The following SZT2 variants were observed in gnomAD, a reference collection of about 807,000 sequenced individuals.
SZT2 encodes SZT2 subunit of KICSTOR complex.
SZT2 carries 216 observed loss-of-function variants against 404.2 expected under a neutral mutation model. The observed-to-expected ratio is 0.53, with a 90% confidence interval of 0.48 to 0.60. SZT2 has a LOEUF of 0.60. SZT2 is among the 20% of genes least tolerant of loss of function. The pLI, the probability that SZT2 is intolerant of heterozygous loss-of-function variation, is 0.00. For missense variants in SZT2, 3,857 were observed against 4,459.2 expected (o/e 0.86, Z 3.85); for synonymous variants, 1,693 against 1,749.9 (o/e 0.97, Z 0.81).
chr1:43,422,723 C>G, intron 13 of SZT2, 46 bp from the exon 14 acceptor site: 1 of 1,463,870 alleles, frequency 6.8e-7, no homozygotes, highest in Non-Finnish European at 9.1e-7. Context: ...CTCACTGCTA[C>G]TTCCTGCCAA....
At chr1:43,427,014 A>T (rs1653234278) in intron 23 of SZT2, 42 bp from the exon 24 acceptor site, 2 of 1,610,002 alleles carry the variant, frequency 1.2e-6, no homozygotes, top group Admixed American at 1.7e-5. Flanking sequence ...GGGGTTGGAC[A>T]TTCCCTTATA....
At chr1:43,392,079 G>A (rs186043338) in intron 1 of SZT2, among the ~76,000 whole-genome samples, 386 of 2,770 alleles carry the variant, frequency 0.14, 100 homozygotes, top group African/African-American at 0.39. Context: ...GCGAGACTCC[G>A]TCTCAAAAAA....
rs776281764 is a variant in SZT2 at position 43,447,013 on chromosome 1, C to T, written c.9131C>T (p.Ser3044Leu). The T allele has an allele frequency of 5.6e-6, 9 of 1,613,772 alleles. No individual in the cohort carries two copies. Among genetic ancestry groups the T allele is most frequent in the Non-Finnish European group, 7.6e-6 (9 of 1,180,040 alleles). ...GTGCGGGACCTGATGCACGTGCACTCGTTCAGCTATGACTTCCATCTGCGC... is the reference window on the plus strand; with the variant it reads ...GTGCGGGACCTGATGCACGTGCACTTGTTCAGCTATGACTTCCATCTGCGC... ...DKVRDLMHVHSFSYDFHLRLV... is the reference protein window; with the variant it reads ...DKVRDLMHVHLFSYDFHLRLV... Residue 3044 changes from serine (S) to leucine (L), a missense_variant, in exon 66 of 72, where the codon TCG (serine) becomes TTG (leucine). Ser to Leu is a moderately radical substitution (Grantham distance 145). This residue lies in a region of SZT2 where 717 missense variants were observed against 868.2 expected (regional missense o/e 0.83). Coordinates refer to ENST00000634258, the MANE Select transcript of SZT2 (RefSeq NM_001365999.1).
chr1:43,392,977 C>G (rs1368403889), intron 1 of SZT2, among the ~76,000 whole-genome samples: 2 of 152,058 alleles, frequency 1.3e-5, no homozygotes, highest in Non-Finnish European at 2.9e-5. Flanking sequence ...CAGACATGCT[C>G]TCTATCTTTA....
chr1:43,392,614 C>T (rs1648533963), intron 1 of SZT2, among the ~76,000 whole-genome samples: 1 of 152,162 alleles, frequency 6.6e-6, no homozygotes, highest in African/African-American at 2.4e-5. Context: ...CGGGGTTTCA[C>T]CGTGTTAGCC....
At position 43,426,592 on chromosome 1, in the gene SZT2, AC is replaced by A; in HGVS notation, c.3214+57del. 1 of 1,507,976 alleles carries A rather than the reference AC, an allele frequency of 6.6e-7. No homozygotes were observed. The highest frequency in any genetic ancestry group is 8.9e-7 in the Non-Finnish European group (1 of 1,125,136). The allele number at this position is 1,507,976 out of a possible 1,614,324, so 93.4% of individuals were successfully genotyped here. On this transcript the variant is annotated intron_variant, in intron 22 of 71. Transcript: ENST00000634258. This position sits in a 1 kb window ranked among gnomAD's most constrained non-coding sequence, Gnocchi z 4.9. ...GACCCTGGCCCAGCCCTTTTCCCCCACCCTCACAGGGTGATTTCTGTCTTTG... is the reference window on the plus strand; with the variant it reads ...GACCCTGGCCCAGCCCTTTTCCCCCACCTCACAGGGTGATTTCTGTCTTTG...
chr1:43,432,001 G>A (rs768694850), intron 36 of SZT2, 100 bp downstream of exon 36: 186 of 1,403,956 alleles, frequency 1.3e-4, no homozygotes, highest in Non-Finnish European at 1.8e-4. Flanking sequence ...CGAACTCATA[G>A]AGTTATCCCT....
At position 43,439,167 on chromosome 1, in the gene SZT2, C is replaced by T. The variant is rs895407668; in HGVS notation, c.6792+74C>T. 1.1e-5 allele frequency: 18 copies of T among 1,597,156 alleles called. No homozygotes were observed. In the Admixed American group the frequency reaches 2.2e-4, roughly 19 times the overall value. ...TGCCCCACGCACTTACTCTTTCCTA[C>T]CGATACCCCTATATGTACCTTTGCC... On this transcript the variant is annotated intron_variant, in intron 48 of 71. Coordinates refer to ENST00000634258, the MANE Select transcript of SZT2 (RefSeq NM_001365999.1). The surrounding 1 kb of genome is among the most constrained non-coding windows in gnomAD (Gnocchi z 4.2).
At chr1:43,443,499 C>G (rs1365285282) in intron 61 of SZT2, 22 bp downstream of exon 61, 9 of 1,614,020 alleles carry the variant, frequency 5.6e-6, no homozygotes, top group Non-Finnish European at 7.6e-6. Context: ...TCCCAGACTT[C>G]TAGCAGACCT....
intron 62 of SZT2, chr1:43,445,528 G>A (rs1265057351): frequency 3.2e-6 from 1 of 312,862 alleles, no homozygotes; most frequent in Admixed American, 4.1e-5. Context: ...TGCCCTTTCA[G>A]AGGAAGGTAC....
chr1:43,438,619 A>C, intron 46 of SZT2, 80 bp from the exon 47 acceptor site: 2 of 1,340,658 alleles, frequency 1.5e-6, no homozygotes, highest in Non-Finnish European at 2.1e-6. Flanking sequence ...GGATTCTTTG[A>C]GTTTGGCATG....
chr1:43,400,872 C>CA (rs745338229), intron 1 of SZT2, among the ~76,000 whole-genome samples: 144 of 123,270 alleles, frequency 1.2e-3, no homozygotes, highest in East Asian at 4.3e-3. Context: ...AACTCCGTCT[C>CA]AAAAAAAAAA....
In SZT2 at chr1:43,422,768, G is replaced by A. The variant is rs772348527; in HGVS notation, c.1923-1G>A. 3.2e-6 allele frequency: 5 copies of A among 1,578,180 alleles called. No individual in the cohort carries two copies. The highest frequency in any genetic ancestry group is 4.3e-6 in the Non-Finnish European group (5 of 1,170,492). Reference sequence around the variant, plus strand: ...GCTCACTGACTCCCATTTCTCCCCAGTGCCCCAGACCAGCCCCCCAATTCC... The same window carrying A: ...GCTCACTGACTCCCATTTCTCCCCAATGCCCCAGACCAGCCCCCCAATTCC... On this transcript the variant is annotated splice_acceptor_variant, in intron 13 of 71. Coordinates refer to ENST00000634258, the MANE Select transcript of SZT2 (RefSeq NM_001365999.1). LOFTEE classifies it high-confidence loss of function.
intron 1 of SZT2, among the ~76,000 whole-genome samples, chr1:43,401,894 T>C (rs979588092): frequency 6.6e-6 from 1 of 152,200 alleles, no homozygotes; most frequent in African/African-American, 2.4e-5. Context: ...CCAGTACCTC[T>C]TTCTGTATCT....
At chr1:43,390,946 T>C (rs893416179) in intron 1 of SZT2, among the ~76,000 whole-genome samples, 1 of 152,246 alleles carries the variant, frequency 6.6e-6, no homozygotes, top group Non-Finnish European at 1.5e-5. Context: ...CAATATCAGT[T>C]AATCCTCAGC....
In SZT2 at chr1:43,420,171, T is replaced by A. The variant is rs1652175537; in HGVS notation, c.1109T>A (p.Phe370Tyr). 1 of 1,598,320 alleles carries A rather than the reference T, an allele frequency of 6.3e-7. No homozygotes were observed. The highest frequency in any genetic ancestry group is 8.5e-7 in the Non-Finnish European group (1 of 1,179,790). ...CTTCCAGGCTCTCAGCACCGCCTAT[T>A]TAATGAGCACCTGGTCTCTGCAAGC... ...EYYCGSQHRL[F>Y]NEHLVSASSN... The change falls in exon 9 of 72, where the codon TTT becomes TAT. Residue 370 changes from phenylalanine to tyrosine, a missense_variant. Around this residue, in one of 7 missense-constraint regions of SZT2, gnomAD observed 536 missense variants for 637.4 expected, o/e 0.84. Transcript: ENST00000634258. The surrounding 1 kb of genome is among the most constrained non-coding windows in gnomAD (Gnocchi z 5.1).
At position 43,425,662 on chromosome 1, in the gene SZT2, T is replaced by G. The variant is rs765824044; in HGVS notation, c.2814+20T>G. ...CAAGCTGTGAGTGTCCTCAGAACAG[T>G]ACCCGCACCTCTCTCACTGGATTGG... On this transcript the variant is annotated intron_variant, in intron 19 of 71. Transcript: ENST00000634258. This position sits in a 1 kb window ranked among gnomAD's most constrained non-coding sequence, Gnocchi z 4.3. 1.4e-5 allele frequency: 23 copies of G among 1,612,138 alleles called. No individual in the cohort carries two copies. The highest frequency in any genetic ancestry group is 6.7e-5 in the East Asian group (3 of 44,838).
intron 1 of SZT2, among the ~76,000 whole-genome samples, chr1:43,393,695 AAGGG>A (rs1648670376): frequency 6.6e-6 from 1 of 152,232 alleles, no homozygotes; most frequent in South Asian, 2.1e-4. Flanking sequence ...CTTAATCACA[AAGGG>A]ACAGGCACAA....
intron 65 of SZT2, 109 bp downstream of exon 65, chr1:43,446,525 C>T (rs533495475): frequency 7.4e-7 from 1 of 1,352,018 alleles, no homozygotes; most frequent in East Asian, 2.3e-5. Context: ...GCGGGCTGGC[C>T]CAGTGATTGA....
Sources: allele counts gnomAD v4.1 joint callset (sites outside exome capture counted in the v4.1 genomes callset), GRCh38; gene constraint gnomAD v4.1.1; regional missense constraint gnomAD v4.1.1; non-coding constraint Gnocchi (gnomAD v3.1); transcripts MANE v1.5; gene names NCBI Gene and HGNC (gene_info 2026-07-23, HGNC 2026-07-21).